CATSPERG: variants seen among roughly 807,000 people sequenced by gnomAD.
CATSPERG encodes cation channel sperm-associated auxiliary subunit gamma.
CATSPERG carries 115 observed loss-of-function variants against 145.0 expected under a neutral mutation model. That is an observed-to-expected ratio of 0.79 (90% confidence interval 0.68 to 0.93). The LOEUF (loss-of-function observed/expected upper bound fraction) is 0.93. Among genes scored for constraint, CATSPERG ranks in the 40% least tolerant of loss-of-function variants. The pLI is 0.00. For synonymous variants in CATSPERG, 588 were observed against 589.0 expected, an observed-to-expected ratio of 1.00 and a Z score of 0.02; for missense variants, 1,296 against 1,490.1, an observed-to-expected ratio of 0.87 and a Z score of 2.14.
chr19:38,351,297 CAGTT>C (rs1264111884), intron 7 of CATSPERG, among the ~76,000 whole-genome samples: 4 of 151,984 alleles, frequency 2.6e-5, no homozygotes, highest in African/African-American at 7.2e-5. Flanking sequence ...CCCGTCTACA[CAGTT>C]ATTTATTTAT....
In CATSPERG at chr19:38,369,994, C is replaced by T; in HGVS notation, c.3043C>T (p.Pro1015Ser). Residue 1015 changes from proline (P) to serine (S), a missense_variant, in exon 27 of 29, where the codon CCA (proline) becomes TCA (serine). Coordinates refer to ENST00000409235, the MANE Select transcript of CATSPERG (RefSeq NM_021185.5). ...CAGGTGGCTCTGTCTGGAGAATGCC[C>T]CATGCTATGACAATGTTCCCCAAGG... ...GIEWLCLENA[P>S]CYDNVPQGIF... 5 of 1,614,200 alleles carry T rather than the reference C, an allele frequency of 3.1e-6. No individual in the cohort carries two copies. The highest frequency in any genetic ancestry group is 4.2e-6 in the Non-Finnish European group (5 of 1,180,028).
intron 28 of CATSPERG, 58 bp downstream of exon 28, chr19:38,370,316 C>T (rs555854310): frequency 9.0e-5 from 136 of 1,518,680 alleles, no homozygotes; most frequent in Non-Finnish European, 1.2e-4. Flanking sequence ...GCCTCCATAC[C>T]TATGCTTGTT....
chr19:38,353,755 C>T (rs569412718), intron 8 of CATSPERG, among the ~76,000 whole-genome samples: 2 of 145,344 alleles, frequency 1.4e-5, no homozygotes, highest in Non-Finnish European at 3.0e-5. Context: ...GTAATCCCAG[C>T]GCTTTGGGAG....
chr19:38,360,965 CAGG>C, intron 16 of CATSPERG, 122 bp downstream of exon 16: 1 of 792,686 alleles, frequency 1.3e-6, no homozygotes, highest in Non-Finnish European at 2.1e-6. Context: ...GCTATGATGG[CAGG>C]AGTTCAGCAC....
At position 38,346,472 on chromosome 19, in the gene CATSPERG, A is replaced by G. The variant is rs1375075108; in HGVS notation, c.692A>G (p.Tyr231Cys). The change falls in exon 7 of 29, where the codon TAC becomes TGC. Residue 231 changes from tyrosine to cysteine, a missense_variant. Coordinates refer to ENST00000409235, the MANE Select transcript of CATSPERG (RefSeq NM_021185.5). Reference sequence around the variant, plus strand: ...CAGCTCTTCAACCTGATGCCCCAGTACTTTGTGGGTGTCTCATCGAGGCCC... The same window carrying G: ...CAGCTCTTCAACCTGATGCCCCAGTGCTTTGTGGGTGTCTCATCGAGGCCC... ...GEELFNLMPQ[Y>C]FVGVSSRPLW... The G allele has an allele frequency of 3.9e-6, 6 of 1,549,420 alleles. No homozygotes were observed. Among genetic ancestry groups the G allele is most frequent in the Non-Finnish European group, 5.2e-6 (6 of 1,145,230 alleles).
At position 38,353,710 on chromosome 19, in the gene CATSPERG, A is replaced by AG. The variant is rs1555732231; in HGVS notation, c.998-1000_998-999insG. On this transcript the variant is annotated intron_variant, in intron 8 of 28. Transcript: ENST00000409235. ...AGATGCCATCTCAAAAAAAAAAAAAAAAAAGAAAAAGGCCAGGCGCGGTGG... is the reference window on the plus strand; with the variant it reads ...AGATGCCATCTCAAAAAAAAAAAAAAGAAAAGAAAAAGGCCAGGCGCGGTGG... 3.2e-4 allele frequency among the ~76,000 whole-genome samples: 48 copies of AG among 148,310 alleles called. No homozygotes were observed. In the East Asian group the frequency reaches 3.4e-3, roughly 10 times the overall value.
In CATSPERG at chr19:38,358,297, T is replaced by C. The variant is rs938389884; in HGVS notation, c.1335T>C (p.Leu445=). Residue 445 remains leucine (L), a synonymous_variant, in exon 12 of 29, where the codon CTT becomes CTC. Coordinates refer to ENST00000409235, the MANE Select transcript of CATSPERG (RefSeq NM_021185.5). ...CTGTAGCTAGTGATGACCTGGAACT[T>C]CTCTACCACATCCCAGAATTCATCC... ...SYNTASDDLE[L]LYHIPEFIPE... is the part of the protein sequence containing the mutation. 4.3e-6 allele frequency: 7 copies of C among 1,614,040 alleles called. No homozygotes were observed. The highest frequency in any genetic ancestry group is 5.9e-6 in the Non-Finnish European group (7 of 1,180,032).
At chr19:38,365,247 TC>T in intron 22 of CATSPERG, 130 bp downstream of exon 22, 1 of 791,504 alleles carries the variant, frequency 1.3e-6, no homozygotes, top group Admixed American at 2.3e-5. Flanking sequence ...TCAACATTCA[TC>T]CACCCACCCA....
At chr19:38,337,067 G>A in intron 1 of CATSPERG, 154 bp from the exon 2 acceptor site, 2 of 878,102 alleles carry the variant, frequency 2.3e-6, no homozygotes, top group South Asian at 3.4e-5. Context: ...GAGCAGGGGC[G>A]GGACCAAGAG....
In CATSPERG at chr19:38,343,667, CGCTGGAAGATAGAGCA is replaced by C. The variant is rs1386096237; in HGVS notation, c.417_432del (p.Trp139CysfsTer24). ...CTTCCAGTCCCCAGTCAACTTCTAC[CGCTGGAAGATAGAGCA>C]GCTGCAGATCCAGATGGAGGCTGCC... On this transcript the variant is annotated frameshift_variant, in exon 4 of 29. Coordinates refer to ENST00000409235, the MANE Select transcript of CATSPERG (RefSeq NM_021185.5). LOFTEE classifies it high-confidence loss of function. The C allele has an allele frequency of 6.4e-7, 1 of 1,551,458 alleles. No individual in the cohort carries two copies. Among genetic ancestry groups the C allele is most frequent in the Non-Finnish European group, 8.7e-7 (1 of 1,146,944 alleles).
chr19:38,352,216 G>A (rs1213301815), intron 7 of CATSPERG, 45 bp from the exon 8 acceptor site: 7 of 1,541,958 alleles, frequency 4.5e-6, no homozygotes, highest in African/African-American at 1.4e-5. Flanking sequence ...CATGGGGGCT[G>A]AGGCCAAGGC....
chr19:38,362,878 T>TTG, intron 20 of CATSPERG, 46 bp downstream of exon 20: 6 of 1,214,984 alleles, frequency 4.9e-6, no homozygotes, highest in Admixed American at 2.1e-5. Flanking sequence ...TTTGTTTTTT[T>TTG]TTTTTTTTTT....
Position 38,343,627 on chromosome 19 carries a change from C to T in CATSPERG, c.372C>T (p.Pro124=), listed in dbSNP as rs1969974266. The T allele has an allele frequency of 1.3e-6, 2 of 1,551,530 alleles. No homozygotes were observed. The highest frequency in any genetic ancestry group is 1.4e-5 in the African/African-American group (1 of 73,180). ...TGGGCCACCTGACGGGGCTAAAGCC[C>T]CTGGTGCTGGTCACCTTCCAGTCCC... The part of the protein sequence containing the change: ...VRMGHLTGLK[P]LVLVTFQSPV... The change falls in exon 4 of 29, where the codon CCC becomes CCT. Residue 124 remains proline, a synonymous_variant. Coordinates refer to ENST00000409235, the MANE Select transcript of CATSPERG (RefSeq NM_021185.5).
Position 38,358,270 on chromosome 19 carries a change from A to G in CATSPERG, c.1316-8A>G. 1 of 1,614,168 alleles carries G rather than the reference A, an allele frequency of 6.2e-7. No homozygotes were observed. The highest frequency in any genetic ancestry group is 1.7e-5 in the Admixed American group (1 of 60,032). ...CAGGAGATTTTGCTGTGTTCTCCCC[A>G]CCTGTAGCTAGTGATGACCTGGAAC... is the stretch of plus-strand genomic sequence containing the variant. On this transcript the variant is annotated splice_polypyrimidine_tract_variant and splice_region_variant and intron_variant, in intron 11 of 28. Coordinates refer to ENST00000409235, the MANE Select transcript of CATSPERG (RefSeq NM_021185.5).
At position 38,370,197 on chromosome 19, in the gene CATSPERG, C is replaced by T; in HGVS notation, c.3152C>T (p.Thr1051Ile). The T allele has an allele frequency of 6.2e-7, 1 of 1,613,946 alleles. No individual in the cohort carries two copies. The highest frequency in any genetic ancestry group is 8.5e-7 in the Non-Finnish European group (1 of 1,180,032). ...DTSTYCNYQL[T>I]FLLHIHGLPL... is the part of the protein sequence containing the mutation. ...AGCACCTACTGCAACTACCAGCTCA[C>T]CTTCCTGCTGCACATCCACGGGCTG... The change falls in exon 28 of 29, where the codon ACC (threonine) becomes ATC (isoleucine). Residue 1051 changes from threonine to isoleucine, a missense_variant. Transcript: ENST00000409235.
At position 38,359,780 on chromosome 19, in the gene CATSPERG, A is replaced by G. The variant is rs1060454; in HGVS notation, c.1608+199A>G. Reference sequence around the variant, plus strand: ...TCAGCTCCAAAGTCACGCAGACCGGAGCTATGATCCGATGTTCAGAGGCGG... The same window carrying G: ...TCAGCTCCAAAGTCACGCAGACCGGGGCTATGATCCGATGTTCAGAGGCGG... On this transcript the variant is annotated intron_variant, in intron 14 of 28. Coordinates refer to ENST00000409235, the MANE Select transcript of CATSPERG (RefSeq NM_021185.5). 1.9e-3 allele frequency: 2,576 copies of G among 1,332,540 alleles called. 57 individuals carry two copies. In the East Asian group the frequency reaches 0.057, roughly 29 times the overall value. 82.5% of individuals were successfully genotyped at this position (1,332,540 alleles called of 1,614,324 possible). A position where few individuals can be genotyped will look rare whatever the true frequency, so the allele number is the denominator to read the frequency against.
At position 38,362,286 on chromosome 19, in the gene CATSPERG, A is replaced by G; in HGVS notation, c.2157+14A>G. On this transcript the variant is annotated intron_variant, in intron 18 of 28. Transcript: ENST00000409235. ...AAACAAGACCAGGTAGGCGGAGCGG[A>G]TTGGGAGCCGGGAAAGGGGCGGCGC... 6.2e-7 allele frequency: 1 copy of G among 1,613,476 alleles called. No homozygotes were observed. Among genetic ancestry groups the G allele is most frequent in the South Asian group, 1.1e-5 (1 of 91,078 alleles).
intron 9 of CATSPERG, among the ~76,000 whole-genome samples, chr19:38,355,821 G>T: frequency 6.6e-6 from 1 of 152,172 alleles, no homozygotes; most frequent in South Asian, 2.1e-4. Context: ...AGGTCATCAG[G>T]ACTCCATCTC....
chr19:38,364,995 G>A (rs1250636568), intron 21 of CATSPERG, 24 bp downstream of exon 21: 41 of 1,613,500 alleles, frequency 2.5e-5, no homozygotes, highest in Non-Finnish European at 3.2e-5. Context: ...CTGGAGGGGA[G>A]GGTGCAGGAT....
Sources: gnomAD v4.1 joint callset for allele counts (sites outside exome capture counted in the v4.1 genomes callset) on GRCh38, gnomAD v4.1.1 for gene constraint, MANE v1.5 for transcripts, NCBI Gene and HGNC (gene_info 2026-07-23, HGNC 2026-07-21) for gene names.